The following SH3RF1 variants were observed in gnomAD, a reference collection of about 807,000 sequenced individuals.
SH3RF1 encodes SH3 domain containing ring finger 1.
A neutral mutation model predicts 74.0 loss-of-function variants in SH3RF1; 32 were observed. The ratio of observed to expected loss-of-function variants is 0.43; its 90% CI spans 0.33 to 0.58. The LOEUF (loss-of-function observed/expected upper bound fraction) is 0.58, where lower values mean the gene tolerates loss of function less well. SH3RF1 is among the 20% of genes least tolerant of loss of function. The pLI is 0.05. For missense variants in SH3RF1, 954 were observed against 1,130.9 expected, an observed-to-expected ratio of 0.84 and a Z score of 2.24; for synonymous variants, 396 against 439.6, an observed-to-expected ratio of 0.90 and a Z score of 1.24.
chr4:169,186,836 C>T (rs1734612371), intron 2 of SH3RF1, among the ~76,000 whole-genome samples: 1 of 147,144 alleles, frequency 6.8e-6, no homozygotes, highest in Non-Finnish European at 1.5e-5. Flanking sequence ...GAAACCCCAT[C>T]TCTACTAAAA....
chr4:169,123,708 G>A (rs111865368), intron 6 of SH3RF1, among the ~76,000 whole-genome samples: 15 of 152,208 alleles, frequency 9.9e-5, no homozygotes, highest in East Asian at 1.9e-4. Flanking sequence ...TGGCTAACAC[G>A]GTGAAACCCC....
At chr4:169,174,508 G>C (rs2126975105) in intron 2 of SH3RF1, among the ~76,000 whole-genome samples, 1 of 152,220 alleles carries the variant, frequency 6.6e-6, no homozygotes, top group South Asian at 2.1e-4. Context: ...GCTGCCCAGG[G>C]AGCCACACTT....
At chr4:169,181,884 C>T (rs1324338160) in intron 2 of SH3RF1, among the ~76,000 whole-genome samples, 1 of 152,198 alleles carries the variant, frequency 6.6e-6, no homozygotes. Context: ...TATTTCTCTT[C>T]ATAGTCCTTA....
chr4:169,215,825 G>A (rs1300707832), intron 2 of SH3RF1, among the ~76,000 whole-genome samples: 1 of 151,218 alleles, frequency 6.6e-6, no homozygotes, highest in Non-Finnish European at 1.5e-5. Context: ...TGTGAAGCGT[G>A]AAGGGTCTCA....
chr4:169,190,758 G>A (rs970203120), intron 2 of SH3RF1, among the ~76,000 whole-genome samples: 2 of 151,954 alleles, frequency 1.3e-5, no homozygotes, highest in African/African-American at 4.8e-5. Context: ...AACCAGGAAA[G>A]GATATAACCA....
intron 7 of SH3RF1, among the ~76,000 whole-genome samples, chr4:169,121,456 C>T (rs1043859709): frequency 6.6e-6 from 1 of 152,146 alleles, no homozygotes; most frequent in Non-Finnish European, 1.5e-5. Context: ...TTGAGCTACA[C>T]CTGCTTTTTA....
intron 2 of SH3RF1, among the ~76,000 whole-genome samples, chr4:169,219,234 T>TGAGTATACA (rs1178034692): frequency 6.6e-6 from 1 of 152,160 alleles, no homozygotes; most frequent in African/African-American, 2.4e-5. Context: ...GGTGCAATAA[T>TGAGTATACA]GAGTATACAT....
At chr4:169,150,248 T>C (rs1733954020) in intron 4 of SH3RF1, among the ~76,000 whole-genome samples, 1 of 152,208 alleles carries the variant, frequency 6.6e-6, no homozygotes, top group African/African-American at 2.4e-5. Context: ...TGAGGATCCT[T>C]GACAATAAGT....
At chr4:169,202,922 T>C (rs111315802) in intron 2 of SH3RF1, among the ~76,000 whole-genome samples, 22 of 152,256 alleles carry the variant, frequency 1.4e-4, no homozygotes, top group African/African-American at 3.9e-4. Context: ...AAAATGTATA[T>C]ATCTAAAGGA....
intron 9 of SH3RF1, 99 bp downstream of exon 9, chr4:169,117,424 A>G: frequency 6.6e-7 from 1 of 1,523,970 alleles, no homozygotes; most frequent in Non-Finnish European, 8.9e-7. Flanking sequence ...GTTCATTATT[A>G]AAATTACATC....
intron 2 of SH3RF1, among the ~76,000 whole-genome samples, chr4:169,241,018 C>T (rs2110735019): frequency 6.6e-6 from 1 of 152,264 alleles, no homozygotes; most frequent in East Asian, 1.9e-4. Context: ...ATCACGAGGT[C>T]AGGAGATCAA....
At chr4:169,269,955 C>G (rs559007324) in intron 1 of SH3RF1, 1 of 152,226 alleles carries the variant, frequency 6.6e-6, no homozygotes, top group Non-Finnish European at 1.5e-5. Context: ...TTGATAAACT[C>G]TGAAACACAT....
intron 9 of SH3RF1, among the ~76,000 whole-genome samples, chr4:169,116,873 C>T (rs970284277): frequency 1.3e-5 from 2 of 152,176 alleles, no homozygotes; most frequent in African/African-American, 4.8e-5. Context: ...AGTTTTGACC[C>T]AAGTCCCTTT....
At position 169,156,530 on chromosome 4, in the gene SH3RF1, G is replaced by A; in HGVS notation, c.543C>T (p.Gly181=). 6.2e-7 allele frequency: 1 copy of A among 1,614,098 alleles called. No homozygotes were observed. The highest frequency in any genetic ancestry group is 1.1e-5 in the South Asian group (1 of 91,078). The change falls in exon 3 of 12, where the codon GGC becomes GGT. Residue 181 remains glycine, a synonymous_variant. Transcript: ENST00000284637. ...TCTGCACAAAGTTGGTGGGGAAAAA[G>A]CCATGGATTCCATTGACTTCCCCAT... ...WYHGEVNGIH[G]FFPTNFVQII...
At chr4:169,210,875 G>A (rs980644168) in intron 2 of SH3RF1, among the ~76,000 whole-genome samples, 9 of 152,248 alleles carry the variant, frequency 5.9e-5, no homozygotes, top group South Asian at 4.2e-4. Flanking sequence ...GCACAGAGCC[G>A]GAGTCTCTCT....
Position 169,265,595 on chromosome 4 carries a change from T to C in SH3RF1, c.393+3225A>G, listed in dbSNP as rs139013270. 8.7e-3 allele frequency among the ~76,000 whole-genome samples: 1,326 copies of C among 152,260 alleles called. 13 individuals are homozygous for C. Among genetic ancestry groups the C allele is most frequent in the African/African-American group, 0.03 (1,250 of 41,540 alleles). On this transcript the variant is annotated intron_variant, in intron 2 of 11. Coordinates refer to ENST00000284637, the MANE Select transcript of SH3RF1 (RefSeq NM_020870.4). Reference sequence around the variant, plus strand: ...TTCAAGCGATTCTCCAGCCTTGGCCTCCTGAGTAGCTGGGGTTATAGGCAC... The same window carrying C: ...TTCAAGCGATTCTCCAGCCTTGGCCCCCTGAGTAGCTGGGGTTATAGGCAC...
Position 169,122,206 on chromosome 4 carries a change from G to A in SH3RF1, c.1240C>T (p.Pro414Ser). The change falls in exon 7 of 12, where the codon CCA (proline) becomes TCA (serine). Residue 414 changes from proline to serine, a missense_variant. By Grantham distance (74) the Pro-to-Ser change is moderately conservative (BLOSUM62 -1). This residue lies in a region of SH3RF1 where 854 missense variants were observed against 962.5 expected (regional missense o/e 0.89). Coordinates refer to ENST00000284637, the MANE Select transcript of SH3RF1 (RefSeq NM_020870.4). ...GCAGCAGCGGCGGTGGCGCCTGGTG[G>A]TGTGGAGGCAAGGACAGTGGCAGCC... ...LLAATVLAST[P>S]PGATAAAAAA... 4.3e-6 allele frequency: 7 copies of A among 1,613,476 alleles called. No homozygotes were observed. Among genetic ancestry groups the A allele is most frequent in the Non-Finnish European group, 5.9e-6 (7 of 1,179,804 alleles).
intron 5 of SH3RF1, among the ~76,000 whole-genome samples, chr4:169,135,911 T>C (rs752399659): frequency 2.6e-5 from 4 of 152,222 alleles, no homozygotes; most frequent in Admixed American, 6.5e-5. Context: ...GTAAGTTACA[T>C]AGATACAAGC....
chr4:169,179,676 C>A (rs1168582906), intron 2 of SH3RF1, among the ~76,000 whole-genome samples: 1 of 152,172 alleles, frequency 6.6e-6, no homozygotes, highest in African/African-American at 2.4e-5. Flanking sequence ...CTCCTGAGAG[C>A]CCCACGCAAA....
Sources: allele counts gnomAD v4.1 joint callset (sites outside exome capture counted in the v4.1 genomes callset), GRCh38; gene constraint gnomAD v4.1.1; regional missense constraint gnomAD v4.1.1; transcripts MANE v1.5; gene names NCBI Gene and HGNC (gene_info 2026-07-23, HGNC 2026-07-21).